TRNT1: variants seen among roughly 807,000 people sequenced by gnomAD.
TRNT1 encodes CCA tRNA nucleotidyltransferase 1, mitochondrial.
TRNT1 carries 44 observed loss-of-function variants against 45.6 expected under a neutral mutation model. That is an observed-to-expected ratio of 0.97 (90% CI 0.76 to 1.24). TRNT1 has a LOEUF of 1.24. TRNT1 is among the 50% of genes most tolerant of loss of function. The pLI is 0.00. For missense variants in TRNT1, 633 were observed against 504.4 expected (o/e 1.25, Z -2.44); for synonymous variants, 201 against 171.4 (o/e 1.17, Z -1.35).
At chr3:3,134,860 G>C (rs1398983042) in intron 2 of TRNT1, among the ~76,000 whole-genome samples, 1 of 152,064 alleles carries the variant, frequency 6.6e-6, no homozygotes, top group Non-Finnish European at 1.5e-5. Context: ...TATGTATAAA[G>C]ATATGCTGTA....
rs1461323252 is a variant in TRNT1, at chr3:3,144,571, T to C, written c.482-13T>C. ...CCAATAGTGATTTTTCTCCCTCCTT[T>C]TCTAATGAATAGGTTTTGATGGCAC... is the stretch of plus-strand genomic sequence containing the variant. On this transcript the variant is annotated splice_polypyrimidine_tract_variant and intron_variant, in intron 4 of 7. Transcript: ENST00000251607. The C allele has an allele frequency of 6.4e-7, 1 of 1,571,724 alleles. No homozygotes were observed. Among genetic ancestry groups the C allele is most frequent in the South Asian group, 1.2e-5 (1 of 85,692 alleles).
intron 2 of TRNT1, among the ~76,000 whole-genome samples, chr3:3,135,231 A>G (rs1705253087): frequency 6.6e-6 from 1 of 152,142 alleles, no homozygotes; most frequent in Non-Finnish European, 1.5e-5. Context: ...GACTCACACA[A>G]GCAAAATTAT....
At chr3:3,130,852 T>C (rs957939742) in intron 2 of TRNT1, among the ~76,000 whole-genome samples, 1 of 152,018 alleles carries the variant, frequency 6.6e-6, no homozygotes, top group Non-Finnish European at 1.5e-5. Flanking sequence ...GTGGCTGAGG[T>C]GGGTGGATCA....
In TRNT1 at chr3:3,142,707, C is replaced by T. The variant is rs112823746; in HGVS notation, c.482-1877C>T. Among the ~76,000 whole-genome samples, 775 of 152,232 alleles carry T rather than the reference C, an allele frequency of 5.1e-3. 5 individuals are homozygous for T. The highest frequency in any genetic ancestry group is 0.018 in the African/African-American group (728 of 41,548). On this transcript the variant is annotated intron_variant, in intron 4 of 7. Transcript: ENST00000251607. ...CGCTTATTTTTGCTTTGATCATATT[C>T]CTATGATTTTTTCCTCCAAATTTTG...
At chr3:3,134,142 TA>T (rs1306773358) in intron 2 of TRNT1, among the ~76,000 whole-genome samples, 1 of 152,206 alleles carries the variant, frequency 6.6e-6, no homozygotes, top group East Asian at 1.9e-4. Flanking sequence ...CATTAGGTGT[TA>T]TTTTCACTGA....
chr3:3,144,831 C>A, intron 5 of TRNT1, 121 bp downstream of exon 5: 1 of 997,078 alleles, frequency 1.0e-6, no homozygotes, highest in Non-Finnish European at 1.4e-6. Flanking sequence ...TGTCTGTCTC[C>A]AGTGGAGACC....
downstream of TRNT1, chr3:3,152,527 T>C: frequency 1.2e-6 from 2 of 1,613,890 alleles, no homozygotes; most frequent in South Asian, 1.1e-5. Flanking sequence ...ACACAGTAAG[T>C]GTCTCATGCA....
chr3:3,145,652 T>C (rs1442137705), intron 5 of TRNT1: 7 of 152,168 alleles, frequency 4.6e-5, no homozygotes, highest in Non-Finnish European at 8.8e-5. Flanking sequence ...TCAAGTAATA[T>C]TCATTTTTCA....
Position 3,148,640 on chromosome 3 carries a change from G to A in TRNT1, c.*486G>A, listed in dbSNP as rs1706231900. ...TTGACCAAGTAAGTTTGCATAAAATGTGAATACTAAATGTGTCCCCAGTTG... is the reference window on the plus strand; with the variant it reads ...TTGACCAAGTAAGTTTGCATAAAATATGAATACTAAATGTGTCCCCAGTTG... On this transcript the variant is annotated 3_prime_UTR_variant, in exon 8 of 8. Coordinates refer to ENST00000251607, the MANE Select transcript of TRNT1 (RefSeq NM_182916.3). The A allele has an allele frequency of 6.5e-6, 1 of 152,806 alleles. No individual in the cohort carries two copies. Among genetic ancestry groups the A allele is most frequent in the African/African-American group, 2.4e-5 (1 of 41,444 alleles). The allele number at this position is 152,806 out of a possible 1,614,324, so 9.5% of individuals were successfully genotyped here. A position where few individuals can be genotyped will look rare whatever the true frequency, so the allele number is the denominator to read the frequency against.
rs558772073 is a variant in TRNT1, at chr3:3,142,450, C to T, written c.481+1802C>T. Reference sequence around the variant, plus strand: ...AGGATCAGAATTCCAACTCAGGCAGCCTGACTCCAGAGGTCACATTCTTAA... The same window carrying T: ...AGGATCAGAATTCCAACTCAGGCAGTCTGACTCCAGAGGTCACATTCTTAA... On this transcript the variant is annotated intron_variant, in intron 4 of 7. Transcript: ENST00000251607. Among the ~76,000 whole-genome samples the T allele has an allele frequency of 1.2e-4, 18 of 152,316 alleles. 1 individual carries two copies. Among genetic ancestry groups the T allele is most frequent in the African/African-American group, 4.1e-4 (17 of 41,566 alleles).
chr3:3,134,509 AT>A (rs1239492838), intron 2 of TRNT1, among the ~76,000 whole-genome samples: 9 of 152,158 alleles, frequency 5.9e-5, no homozygotes, highest in Admixed American at 5.9e-4. Context: ...ATTTGAACTT[AT>A]CGTTTTATTT....
At chr3:3,149,696 T>C (rs1408151134), downstream of TRNT1, 1 of 152,096 alleles carries the variant, frequency 6.6e-6, no homozygotes, top group Non-Finnish European at 1.5e-5. Flanking sequence ...GGCAGGGGCA[T>C]ATCCTGATTG....
Position 3,147,494 on chromosome 3 carries a change from A to G in TRNT1, c.847A>G (p.Lys283Glu), listed in dbSNP as rs749437475. The change falls in exon 7 of 8, where the codon AAA (lysine) becomes GAA (glutamate). Residue 283 changes from lysine (K) to glutamate (E), a missense_variant. By Grantham distance (56) the Lys-to-Glu change is moderately conservative. Coordinates refer to ENST00000251607, the MANE Select transcript of TRNT1 (RefSeq NM_182916.3). ...TTTAGAAGAATTTGACAAAGTCAGTAAAAATGTTGATGGTTTTTCACCAAA... is the reference window on the plus strand; with the variant it reads ...TTTAGAAGAATTTGACAAAGTCAGTGAAAATGTTGATGGTTTTTCACCAAA... ...ASLEEFDKVS[K>E]NVDGFSPKPV... 20 of 1,613,854 alleles carry G rather than the reference A, an allele frequency of 1.2e-5. No individual in the cohort carries two copies. The highest frequency in any genetic ancestry group is 6.7e-5 in the East Asian group (3 of 44,848).
At chr3:3,151,431 A>G (rs1706541295), downstream of TRNT1, among the ~76,000 whole-genome samples, 1 of 152,224 alleles carries the variant, frequency 6.6e-6, no homozygotes, top group East Asian at 1.9e-4. Flanking sequence ...AATTACCTGC[A>G]GAAATAATGC....
chr3:3,144,658 C>T lies in TRNT1; in HGVS notation c.556C>T (p.His186Tyr), dbSNP rs1705871883. The T allele has an allele frequency of 1.3e-6, 2 of 1,578,094 alleles. No homozygotes were observed. Among genetic ancestry groups the T allele is most frequent in the Admixed American group, 1.7e-5 (1 of 58,014 alleles). ...AAATAAGAAAGTTAGATTTGTTGGA[C>T]ATGCTAAACAGAGAATACAAGAGGA... ...LKNKKVRFVGHAKQRIQEDYL... is the reference protein window; with the variant it reads ...LKNKKVRFVGYAKQRIQEDYL... Residue 186 changes from histidine (H) to tyrosine (Y), a missense_variant, in exon 5 of 8, where the codon CAT (histidine) becomes TAT (tyrosine). Transcript: ENST00000251607.
intron 2 of TRNT1, chr3:3,136,607 C>T (rs1233458338): frequency 4.7e-6 from 2 of 429,468 alleles, no homozygotes; most frequent in Admixed American, 5.4e-5. Flanking sequence ...AAAGTATGCA[C>T]ATAAATGGGG....
At chr3:3,142,146 G>C (rs1227765763) in intron 4 of TRNT1, among the ~76,000 whole-genome samples, 1 of 152,148 alleles carries the variant, frequency 6.6e-6, no homozygotes, top group African/African-American at 2.4e-5. Flanking sequence ...ACTCATAGAG[G>C]AAGCTGCTCC....
chr3:3,144,560 T>A lies in TRNT1; in HGVS notation c.482-24T>A, dbSNP rs201854774. ...ATTCTTATTTGCCAATAGTGATTTT[T>A]CTCCCTCCTTTTCTAATGAATAGGT... On this transcript the variant is annotated intron_variant, in intron 4 of 7. Transcript: ENST00000251607. 5,656 of 1,566,464 alleles carry A rather than the reference T, an allele frequency of 3.6e-3. 152 individuals are homozygous for A. In the African/African-American group the frequency reaches 0.065, roughly 18 times the overall value.
chr3:3,140,382 TAAA>T, intron 3 of TRNT1, 125 bp from the exon 4 acceptor site: 1 of 820,458 alleles, frequency 1.2e-6, no homozygotes, highest in Non-Finnish European at 1.9e-6. Context: ...TAGTTGACGT[TAAA>T]AAGACTATAA....
Sources: gnomAD v4.1 joint callset for allele counts (sites outside exome capture counted in the v4.1 genomes callset) on GRCh38, gnomAD v4.1.1 for gene constraint, MANE v1.5 for transcripts, NCBI Gene and HGNC (gene_info 2026-07-23, HGNC 2026-07-21) for gene names.